Variants in ST8SIA6 observed in about 807,000 individuals in gnomAD.
The protein encoded by ST8SIA6 is ST8 alpha-N-acetyl-neuraminide alpha-2,8-sialyltransferase 6.
Under a neutral mutation model 33.6 loss-of-function variants are expected in ST8SIA6, and 39 were observed. The observed-to-expected ratio is 1.16, with a 90% CI of 0.90 to 1.52. The LOEUF (loss-of-function observed/expected upper bound fraction) is 1.52, where lower values mean the gene tolerates loss of function less well. ST8SIA6 is among the 40% of genes most tolerant of loss of function. ST8SIA6 has a pLI of 0.00. For synonymous variants in ST8SIA6, 172 were observed against 167.2 expected (o/e 1.03, Z -0.22); for missense variants, 441 against 443.8 (o/e 0.99, Z 0.06).
chr10:17,401,186 T>C lies in ST8SIA6; in HGVS notation c.201-10566A>G, dbSNP rs570860772. Reference sequence around the variant, plus strand: ...GAGTGAACTCCCATTCACAATTGCTTCAAAGAGAATAAAATACCTAGGAAT... The same window carrying C: ...GAGTGAACTCCCATTCACAATTGCTCCAAAGAGAATAAAATACCTAGGAAT... On this transcript the variant is annotated intron_variant, in intron 2 of 7. Coordinates refer to ENST00000377602, the MANE Select transcript of ST8SIA6 (RefSeq NM_001004470.3). 3.3e-3 allele frequency among the ~76,000 whole-genome samples: 495 copies of C among 152,114 alleles called. 2 individuals carry two copies. Among genetic ancestry groups the C allele is most frequent in the Non-Finnish European group, 5.1e-3 (346 of 67,988 alleles).
intron 3 of ST8SIA6, among the ~76,000 whole-genome samples, chr10:17,363,630 T>C (rs1160559276): frequency 6.6e-6 from 1 of 152,198 alleles, no homozygotes; most frequent in African/African-American, 2.4e-5. Context: ...TGGAGTTGGC[T>C]CATACAAGCT....
intron 3 of ST8SIA6, among the ~76,000 whole-genome samples, chr10:17,360,815 G>A (rs866915780): frequency 6.6e-6 from 1 of 151,974 alleles, no homozygotes. Context: ...CCAACTGTGT[G>A]ACTAATCTCA....
rs539014144 is a variant in ST8SIA6 at position 17,340,735 on chromosome 10, C to T, written c.378-9183G>A. On this transcript the variant is annotated intron_variant, in intron 4 of 7. Transcript: ENST00000377602. ...ATGGGGGAAATTAAAATGTTCTTAT[C>T]TGAGCCACTGTATCTTACAACCCAA... 2.1e-4 allele frequency among the ~76,000 whole-genome samples: 32 copies of T among 152,336 alleles called. No homozygotes were observed. In the East Asian group the frequency reaches 4.0e-3, roughly 19 times the overall value.
rs1222993257 is a variant in ST8SIA6, at chr10:17,317,642, T to C, written c.*3236A>G. ...CTGTTTTCCACAAAATTTTCCACTTTTCCCAAAGCTTCCTAATTCATGGAG... is the reference window on the plus strand; with the variant it reads ...CTGTTTTCCACAAAATTTTCCACTTCTCCCAAAGCTTCCTAATTCATGGAG... On this transcript the variant is annotated 3_prime_UTR_variant, in exon 8 of 8. Coordinates refer to ENST00000377602, the MANE Select transcript of ST8SIA6 (RefSeq NM_001004470.3). Among the ~76,000 whole-genome samples, 1 of 152,222 alleles carries C rather than the reference T, an allele frequency of 6.6e-6. No homozygotes were observed. Among genetic ancestry groups the C allele is most frequent in the African/African-American group, 2.4e-5 (1 of 41,474 alleles).
intron 2 of ST8SIA6, among the ~76,000 whole-genome samples, chr10:17,393,046 A>G (rs1850674372): frequency 6.6e-6 from 1 of 152,222 alleles, no homozygotes; most frequent in South Asian, 2.1e-4. Flanking sequence ...CAATCTGCTG[A>G]GCACTTGGAT....
intron 2 of ST8SIA6, among the ~76,000 whole-genome samples, chr10:17,402,688 A>G (rs61842130): frequency 0.039 from 5,926 of 150,544 alleles, 166 homozygotes; most frequent in South Asian, 0.057. Context: ...AAAACCAAAC[A>G]CCGCATGTTC....
At chr10:17,387,359 C>T (rs1045990008) in intron 3 of ST8SIA6, among the ~76,000 whole-genome samples, 1 of 149,320 alleles carries the variant, frequency 6.7e-6, no homozygotes, top group African/African-American at 2.5e-5. Flanking sequence ...TCAAGAGATT[C>T]TCCAGCCTCA....
intron 4 of ST8SIA6, among the ~76,000 whole-genome samples, chr10:17,348,036 CAG>C (rs1431306222): frequency 7.0e-6 from 1 of 143,668 alleles, no homozygotes; most frequent in Non-Finnish European, 1.5e-5. Context: ...ACAAAATCAA[CAG>C]TTAAGATGAA....
chr10:17,382,810 A>C (rs1850199657), intron 3 of ST8SIA6, among the ~76,000 whole-genome samples: 1 of 152,226 alleles, frequency 6.6e-6, no homozygotes, highest in African/African-American at 2.4e-5. Context: ...ATAAGATCGT[A>C]AGGGCCGATT....
chr10:17,451,440 G>C (rs1852905841), intron 2 of ST8SIA6, among the ~76,000 whole-genome samples: 1 of 152,174 alleles, frequency 6.6e-6, no homozygotes, highest in Non-Finnish European at 1.5e-5. Context: ...AGTGAGGGGA[G>C]AGCTGAGAAA....
intron 2 of ST8SIA6, among the ~76,000 whole-genome samples, chr10:17,405,053 C>A (rs906445799): frequency 6.6e-6 from 1 of 152,224 alleles, no homozygotes; most frequent in African/African-American, 2.4e-5. Flanking sequence ...TAGTTCTGAT[C>A]TATACATGTA....
intron 4 of ST8SIA6, among the ~76,000 whole-genome samples, chr10:17,339,092 T>C (rs1034789118): frequency 2.9e-5 from 4 of 140,116 alleles, no homozygotes; most frequent in Admixed American, 7.5e-5. Context: ...GAAAGGGATC[T>C]TTATTAAAAT....
intron 2 of ST8SIA6, among the ~76,000 whole-genome samples, chr10:17,426,823 C>A (rs1851953363): frequency 6.6e-6 from 1 of 152,144 alleles, no homozygotes; most frequent in South Asian, 2.1e-4. Context: ...TGCACGGGGC[C>A]AGGCGCAGTG....
rs1295507653 is a variant in ST8SIA6, at chr10:17,454,405, C to T, written c.-150G>A. 1.3e-5 allele frequency: 2 copies of T among 158,766 alleles called. No individual in the cohort carries two copies. The highest frequency in any genetic ancestry group is 2.8e-5 in the Non-Finnish European group (2 of 72,560). The allele number at this position is 158,766 out of a possible 1,614,324, so 9.8% of individuals were successfully genotyped here. A position where few individuals can be genotyped will look rare whatever the true frequency, so the allele number is the denominator to read the frequency against. ...GTTCACAGGCGGCAGCGAGGGGCGCCCGCAGCCCACCCGGCAGAGTCTCCG... is the reference window on the plus strand; with the variant it reads ...GTTCACAGGCGGCAGCGAGGGGCGCTCGCAGCCCACCCGGCAGAGTCTCCG... On this transcript the variant is annotated 5_prime_UTR_variant, in exon 1 of 8. Coordinates refer to ENST00000377602, the MANE Select transcript of ST8SIA6 (RefSeq NM_001004470.3). The surrounding 1 kb of genome is among the most constrained non-coding windows in gnomAD (Gnocchi z 4.1).
intron 3 of ST8SIA6, among the ~76,000 whole-genome samples, chr10:17,362,533 C>G (rs1213721976): frequency 2.6e-5 from 4 of 152,082 alleles, no homozygotes; most frequent in Admixed American, 2.6e-4. Flanking sequence ...TTCCTATGAG[C>G]GCTCAGACTG....
rs1289654690 is a variant in ST8SIA6, at chr10:17,454,284, T to A, written c.-29A>T. On this transcript the variant is annotated 5_prime_UTR_variant, in exon 1 of 8. Coordinates refer to ENST00000377602, the MANE Select transcript of ST8SIA6 (RefSeq NM_001004470.3). The surrounding 1 kb of genome is among the most constrained non-coding windows in gnomAD (Gnocchi z 4.1). ...GAGCCACAGGCGCCGCCGCCACCGC[T>A]GCTGCCGGGGCGAAGCACAGCCCGG... 1 of 199,246 alleles carries A rather than the reference T, an allele frequency of 5.0e-6. No individual in the cohort carries two copies. The highest frequency in any genetic ancestry group is 1.6e-4 in the South Asian group (1 of 6,156). The allele number at this position is 199,246 out of a possible 1,614,324, so 12.3% of individuals were successfully genotyped here.
intron 2 of ST8SIA6, among the ~76,000 whole-genome samples, chr10:17,437,905 A>G (rs1852339396): frequency 6.6e-6 from 1 of 151,718 alleles, no homozygotes; most frequent in East Asian, 1.9e-4. Context: ...TAATTTTTGT[A>G]TTTTTAGTAG....
chr10:17,348,903 G>A (rs961520351), intron 4 of ST8SIA6, among the ~76,000 whole-genome samples: 4 of 145,890 alleles, frequency 2.7e-5, no homozygotes, highest in African/African-American at 4.9e-5. Flanking sequence ...CTAAGTAATC[G>A]GGGCGGGGCG....
intron 2 of ST8SIA6, among the ~76,000 whole-genome samples, chr10:17,443,256 T>C (rs1354689209): frequency 6.6e-6 from 1 of 152,198 alleles, no homozygotes; most frequent in Non-Finnish European, 1.5e-5. Flanking sequence ...ACACCAGGTT[T>C]TGGAATCACA....
Sources: allele counts gnomAD v4.1 joint callset (sites outside exome capture counted in the v4.1 genomes callset), GRCh38; gene constraint gnomAD v4.1.1; non-coding constraint Gnocchi (gnomAD v3.1); transcripts MANE v1.5; gene names NCBI Gene and HGNC (gene_info 2026-07-23, HGNC 2026-07-21).